SGCD: variants seen among roughly 807,000 people sequenced by gnomAD.
The protein encoded by SGCD is sarcoglycan delta, also known as delta-sarcoglycan.
SGCD carries 18 observed loss-of-function variants against 36.6 expected under a neutral mutation model. The ratio of observed to expected loss-of-function variants is 0.49; its 90% CI spans 0.34 to 0.73. SGCD has a LOEUF of 0.73. Among genes scored for constraint, SGCD ranks in the 30% least tolerant of loss-of-function variants. The pLI is 0.01. For missense variants in SGCD, 387 were observed against 346.7 expected, an observed-to-expected ratio of 1.12 and a Z score of -0.92; for synonymous variants, 133 against 130.6, an observed-to-expected ratio of 1.02 and a Z score of -0.12.
intron 3 of SGCD, among the ~76,000 whole-genome samples, chr5:156,350,225 T>C (rs1356349021): frequency 1.0e-5 from 1 of 99,296 alleles, no homozygotes; most frequent in Non-Finnish European, 2.3e-5. Context: ...CTTGTATCTC[T>C]AAAGCTATTG....
chr5:156,708,952 T>C (rs1279077378), intron 7 of SGCD, among the ~76,000 whole-genome samples: 2 of 152,168 alleles, frequency 1.3e-5, no homozygotes, highest in Non-Finnish European at 2.9e-5. Flanking sequence ...AGGCAGGGGT[T>C]ATTTTAGCAG....
rs564280832 is a variant in SGCD, at chr5:155,937,670, GAA to G, written c.-282+67250_-282+67251del. Among the ~76,000 whole-genome samples, 442 of 152,298 alleles carry G rather than the reference GAA, an allele frequency of 2.9e-3. 2 individuals are homozygous for G. The highest frequency in any genetic ancestry group is 9.5e-3 in the African/African-American group (396 of 41,564). On this transcript the variant is annotated intron_variant, in intron 1 of 9. Transcript: ENST00000517913. The stretch of plus-strand genomic sequence containing the variant: ...GCACTGTGGTCAAGACAGTAGACAA[GAA>G]AAATGCAGTTTCTGACCCCAAAGAG...
intron 3 of SGCD, among the ~76,000 whole-genome samples, chr5:156,255,308 A>G (rs1056154520): frequency 6.6e-6 from 1 of 152,206 alleles, no homozygotes; most frequent in East Asian, 1.9e-4. Flanking sequence ...ATAATATATT[A>G]CAATGTTGGG....
At chr5:156,627,483 G>C (rs984357321) in intron 6 of SGCD, among the ~76,000 whole-genome samples, 1 of 152,072 alleles carries the variant, frequency 6.6e-6, no homozygotes, top group Non-Finnish European at 1.5e-5. Flanking sequence ...AGATTAAAAG[G>C]GAGTCTTTAT....
At chr5:156,329,760 G>C (rs1043323901) in intron 2 of SGCD, among the ~76,000 whole-genome samples, 181 bp downstream of exon 2, 2 of 152,104 alleles carry the variant, frequency 1.3e-5, no homozygotes, top group Non-Finnish European at 2.9e-5. Context: ...GCTCACGCCT[G>C]TAATCCCAGC....
intron 4 of SGCD, among the ~76,000 whole-genome samples, chr5:156,511,217 A>G (rs1446245441): frequency 6.6e-6 from 1 of 152,204 alleles, no homozygotes; most frequent in Non-Finnish European, 1.5e-5. Flanking sequence ...CAACAAAAGA[A>G]GTATCTTCTA....
the SGCD span, among the ~76,000 whole-genome samples, chr5:155,750,857 ACCCCCACAGCCTGTTGT>A: frequency 6.6e-6 from 1 of 151,818 alleles, no homozygotes; most frequent in Non-Finnish European, 1.5e-5. Flanking sequence ...AACAGCCCTT[ACCCCCACAGCCTGTTGT>A]ATTCATTTAC....
chr5:155,993,433 C>T (rs1000868737), intron 1 of SGCD, among the ~76,000 whole-genome samples: 1 of 150,920 alleles, frequency 6.6e-6, no homozygotes, highest in Admixed American at 6.6e-5. Context: ...CAACCTCTGC[C>T]TCCTGGGCTC....
At chr5:156,465,726 C>T (rs529618677) in intron 3 of SGCD, among the ~76,000 whole-genome samples, 8 of 152,278 alleles carry the variant, frequency 5.3e-5, no homozygotes, top group East Asian at 3.9e-4. Flanking sequence ...CCTTCAGGCT[C>T]GTTCCAATTG....
rs1368357476 is a variant in SGCD at position 156,091,012 on chromosome 5, T to C, written c.-281-26866T>C. ...TTCAGGGTGCCCTGATTTGTTTGAT[T>C]GTTCAAACACACGTTTTGCAAACAA... On this transcript the variant is annotated intron_variant, in intron 1 of 9. Coordinates refer to the SGCD transcript ENST00000517913. Among the ~76,000 whole-genome samples, 10 of 152,354 alleles carry C rather than the reference T, an allele frequency of 6.6e-5. 1 individual carries two copies. The East Asian group carries it at 1.9e-3, about 29-fold the overall frequency.
At chr5:156,734,727 T>C (rs1427521651) in intron 7 of SGCD, among the ~76,000 whole-genome samples, 1 of 152,226 alleles carries the variant, frequency 6.6e-6, no homozygotes, top group African/African-American at 2.4e-5. Flanking sequence ...GTTGCATTCC[T>C]CTCTATACTG....
At chr5:155,818,456 G>A in the SGCD span, among the ~76,000 whole-genome samples, 2 of 152,102 alleles carry the variant, frequency 1.3e-5, no homozygotes, top group African/African-American at 4.8e-5. Flanking sequence ...CGTAGGAGAG[G>A]AGAGGGGTGC....
the SGCD span, among the ~76,000 whole-genome samples, chr5:155,773,280 C>A: frequency 3.3e-5 from 5 of 152,174 alleles, no homozygotes; most frequent in African/African-American, 4.8e-5. Flanking sequence ...TTATGCCATA[C>A]CTTGCTCCTG....
At chr5:156,416,568 C>T (rs1045456464) in intron 3 of SGCD, among the ~76,000 whole-genome samples, 4 of 152,076 alleles carry the variant, frequency 2.6e-5, no homozygotes, top group Non-Finnish European at 5.9e-5. Flanking sequence ...TGCTTTGGCA[C>T]CTTAATTTGT....
At chr5:156,202,170 T>C (rs923743336) in intron 3 of SGCD, among the ~76,000 whole-genome samples, 1 of 152,208 alleles carries the variant, frequency 6.6e-6, no homozygotes, top group African/African-American at 2.4e-5. Flanking sequence ...GTTAAAGTGA[T>C]CTCTCCATTG....
At chr5:156,304,096 G>A (rs1356024109) in intron 3 of SGCD, among the ~76,000 whole-genome samples, 1 of 152,150 alleles carries the variant, frequency 6.6e-6, no homozygotes, top group Admixed American at 6.5e-5. Context: ...GGACCACAGA[G>A]CACTTTAGCC....
chr5:156,375,739 T>C (rs1770629660), intron 3 of SGCD, among the ~76,000 whole-genome samples: 1 of 152,218 alleles, frequency 6.6e-6, no homozygotes, highest in Non-Finnish European at 1.5e-5. Context: ...GTTTATGTAT[T>C]TATGCCATAA....
chr5:156,236,020 T>C (rs775884602), intron 3 of SGCD, among the ~76,000 whole-genome samples: 1 of 152,222 alleles, frequency 6.6e-6, no homozygotes, highest in Non-Finnish European at 1.5e-5. Flanking sequence ...AGAAAAGATA[T>C]GCATACTTGT....
At chr5:156,098,044 C>G (rs968143383) in intron 1 of SGCD, among the ~76,000 whole-genome samples, 1 of 152,168 alleles carries the variant, frequency 6.6e-6, no homozygotes, top group Non-Finnish European at 1.5e-5. Flanking sequence ...CCAGATATTT[C>G]TCTGAGTTGG....
Sources: gnomAD v4.1 joint callset for allele counts (sites outside exome capture counted in the v4.1 genomes callset) on GRCh38, gnomAD v4.1.1 for gene constraint, MANE v1.5 for transcripts, NCBI Gene and HGNC (gene_info 2026-07-23, HGNC 2026-07-21) for gene names.